The following GBF1 variants were observed in gnomAD, a reference collection of about 807,000 sequenced individuals.
The protein encoded by GBF1 is Golgi-specific brefeldin A-resistance guanine nucleotide exchange factor 1.
A neutral mutation model predicts 210.5 loss-of-function variants in GBF1; 114 were observed. The ratio of observed to expected loss-of-function variants is 0.54; its 90% CI spans 0.47 to 0.63. GBF1 has a LOEUF of 0.63. GBF1 is among the 30% of genes least tolerant of loss of function. The pLI, the probability that GBF1 is intolerant of heterozygous loss-of-function variation, is 0.00. For synonymous variants in GBF1, 850 were observed against 889.2 expected, an observed-to-expected ratio of 0.96 and a Z score of 0.78; for missense variants, 1,851 against 2,357.7, an observed-to-expected ratio of 0.79 and a Z score of 4.45.
rs948003468 is a variant in GBF1 at position 102,363,203 on chromosome 10, C to A, written c.1877-53C>A. Reference sequence around the variant, plus strand: ...TTGGGATTTGATCTATCCTGCAGCTCTGCTTGGCTTCATACCCTATAAGTC... The same window carrying A: ...TTGGGATTTGATCTATCCTGCAGCTATGCTTGGCTTCATACCCTATAAGTC... On this transcript the variant is annotated intron_variant, in intron 15 of 39. Transcript: ENST00000369983. This position sits in a 1 kb window ranked among gnomAD's most constrained non-coding sequence, Gnocchi z 4.2. 6 of 1,525,290 alleles carry A rather than the reference C, an allele frequency of 3.9e-6. No individual in the cohort carries two copies. In the African/African-American group the frequency reaches 6.8e-5, roughly 17 times the overall value. The allele number at this position is 1,525,290 out of a possible 1,614,324, so 94.5% of individuals were successfully genotyped here. A position where few individuals can be genotyped will look rare whatever the true frequency, so the allele number is the denominator to read the frequency against.
intron 13 of GBF1, 34 bp from the exon 14 acceptor site, chr10:102,361,684 C>T (rs1457115941): frequency 6.9e-7 from 1 of 1,448,806 alleles, no homozygotes; most frequent in Non-Finnish European, 9.3e-7. Context: ...GAATCCTTTC[C>T]CCACCCAAAT....
chr10:102,231,247 G>A, the GBF1 span: 6 of 837,144 alleles, frequency 7.2e-6, no homozygotes, highest in South Asian at 5.6e-5. Context: ...GGGAAGGAGC[G>A]CACGGAGTCC....
chr10:102,375,519 T>C lies in GBF1; in HGVS notation c.3821T>C (p.Ile1274Thr), dbSNP rs1259391965. 6.2e-7 allele frequency: 1 copy of C among 1,614,042 alleles called. No homozygotes were observed. The highest frequency in any genetic ancestry group is 8.5e-7 in the Non-Finnish European group (1 of 1,179,938). ...ACACTCTTCACACTGCTGGAGTGCA[T>C]CGGCTCAGGTGTGAAGCCTCCAGCT... ...WATLFTLLEC[I>T]GSGVKPPAAL... The change falls in exon 30 of 40, where the codon ATC (isoleucine) becomes ACC (threonine). Residue 1274 changes from isoleucine (I) to threonine (T), a missense_variant. By Grantham distance (89) the Ile-to-Thr change is moderately conservative. Transcript: ENST00000369983.
intron 20 of GBF1, 29 bp from the exon 21 acceptor site, chr10:102,367,449 G>T: frequency 1.4e-6 from 2 of 1,445,216 alleles, no homozygotes; most frequent in Non-Finnish European, 1.9e-6. Flanking sequence ...GTTGACACAA[G>T]GGGAAAAAAC....
intron 14 of GBF1, among the ~76,000 whole-genome samples, 191 bp downstream of exon 14, chr10:102,362,103 C>CTGGAG (rs1365968154): frequency 7.9e-6 from 1 of 126,144 alleles, no homozygotes; most frequent in Non-Finnish European, 1.6e-5. Context: ...GTTGCCCAGG[C>CTGGAG]TGGAGTGCAG....
intron 3 of GBF1, among the ~76,000 whole-genome samples, chr10:102,298,939 T>A (rs1240663076): frequency 6.6e-6 from 1 of 152,216 alleles, no homozygotes; most frequent in Non-Finnish European, 1.5e-5. Context: ...GAAAAGCTCT[T>A]AATGTTTAAA....
rs1210506401 is a variant in GBF1, at chr10:102,302,602, G to A, written c.164-41449G>A. ...TAATGACTTTTCTGAAGAATTCTTA[G>A]AATTCATCTACTAAGCAAATAACCA... On this transcript the variant is annotated intron_variant, in intron 3 of 39. Coordinates refer to ENST00000369983, the MANE Select transcript of GBF1 (RefSeq NM_001377137.1). Among the ~76,000 whole-genome samples the A allele has an allele frequency of 2.0e-5, 3 of 152,146 alleles. No homozygotes were observed. The East Asian group carries it at 5.8e-4, about 29-fold the overall frequency.
At chr10:102,285,515 G>A (rs1366613438) in intron 3 of GBF1, among the ~76,000 whole-genome samples, 1 of 152,140 alleles carries the variant, frequency 6.6e-6, no homozygotes, top group Non-Finnish European at 1.5e-5. Context: ...CTGTGTGGCT[G>A]GGTGGTTTCT....
intron 21 of GBF1, among the ~76,000 whole-genome samples, 191 bp downstream of exon 21, chr10:102,367,751 A>C (rs2059989617): frequency 6.6e-6 from 1 of 152,312 alleles, no homozygotes; most frequent in Admixed American, 6.5e-5. Flanking sequence ...TTGGGACTCT[A>C]GTACTCTAAG....
the GBF1 span, among the ~76,000 whole-genome samples, chr10:102,238,532 C>T: frequency 6.6e-6 from 1 of 152,196 alleles, no homozygotes; most frequent in African/African-American, 2.4e-5. Flanking sequence ...CATTAAGATC[C>T]CTCCTATGGC....
chr10:102,380,833 C>A (rs1365459399), intron 38 of GBF1, 147 bp downstream of exon 38: 3 of 750,046 alleles, frequency 4.0e-6, no homozygotes, highest in Non-Finnish European at 6.6e-6. Flanking sequence ...CATAGTGAAA[C>A]CCCATGTCTA....
intron 3 of GBF1, among the ~76,000 whole-genome samples, chr10:102,262,381 A>G (rs772988847): frequency 1.3e-5 from 2 of 152,090 alleles, no homozygotes; most frequent in South Asian, 2.1e-4. Flanking sequence ...TACATATCCC[A>G]ATTAGAAAGG....
the GBF1 span, among the ~76,000 whole-genome samples, chr10:102,235,460 A>G: frequency 6.6e-6 from 1 of 152,116 alleles, no homozygotes; most frequent in Non-Finnish European, 1.5e-5. Flanking sequence ...ACAACTTACT[A>G]GCTGTGTGTC....
At chr10:102,348,549 C>T (rs1198595528) in intron 4 of GBF1, among the ~76,000 whole-genome samples, 1 of 152,164 alleles carries the variant, frequency 6.6e-6, no homozygotes, top group Non-Finnish European at 1.5e-5. Context: ...CCCTGGTGGC[C>T]TGGGTAGGGA....
Position 102,358,632 on chromosome 10 carries a change from A to G in GBF1, c.914A>G (p.Asp305Gly), listed in dbSNP as rs1228691119. 6.2e-7 allele frequency: 1 copy of G among 1,613,740 alleles called. No individual in the cohort carries two copies. Among genetic ancestry groups the G allele is most frequent in the Non-Finnish European group, 8.5e-7 (1 of 1,179,798 alleles). Residue 305 changes from aspartate to glycine, a missense_variant, in exon 10 of 40, where the codon GAC (aspartate) becomes GGC (glycine). Asp to Gly is a moderately conservative substitution (Grantham distance 94). This residue lies in a region of GBF1 where 804 missense variants were observed against 958.6 expected (regional missense o/e 0.84). Transcript: ENST00000369983. Reference protein sequence around the residue: ...EFSSQTTSKEDLTDLEQPGSP... With the variant: ...EFSSQTTSKEGLTDLEQPGSP... ...TCCTCCCAAACCACTTCCAAGGAAG[A>G]CCTTACTGATCTAGAGCAACCTGGC...
At position 102,368,271 on chromosome 10, in the gene GBF1, A is replaced by T. The variant is rs766589418; in HGVS notation, c.2696A>T (p.Tyr899Phe). 5 of 1,614,004 alleles carry T rather than the reference A, an allele frequency of 3.1e-6. No individual in the cohort carries two copies. Among genetic ancestry groups the T allele is most frequent in the Non-Finnish European group, 8.5e-7 (1 of 1,179,992 alleles). ...EEQTGLVREN[Y>F]VWNVLLHRGA... Reference sequence around the variant, plus strand: ...CAGACAGGCTTGGTTCGGGAGAACTATGTGTGGAATGTGCTGCTTCATCGA... The same window carrying T: ...CAGACAGGCTTGGTTCGGGAGAACTTTGTGTGGAATGTGCTGCTTCATCGA... The change falls in exon 22 of 40, where the codon TAT becomes TTT. Residue 899 changes from tyrosine to phenylalanine, a missense_variant. Around this residue, in one of 3 missense-constraint regions of GBF1, gnomAD observed 967 missense variants for 1,247.7 expected, o/e 0.78. Coordinates refer to ENST00000369983, the MANE Select transcript of GBF1 (RefSeq NM_001377137.1).
chr10:102,353,496 C>T lies in GBF1; in HGVS notation c.585-104C>T, dbSNP rs576886982. ...TTCTCTTTTGTAGCCTTTTCTAAGA[C>T]ACAGGGCATGCTCTGGCTCAGAGCA... On this transcript the variant is annotated intron_variant, in intron 7 of 39. Transcript: ENST00000369983. The T allele has an allele frequency of 1.8e-4, 140 of 796,816 alleles. 2 individuals carry two copies. In the South Asian group the frequency reaches 1.9e-3, roughly 11 times the overall value. 49.4% of individuals were successfully genotyped at this position (796,816 alleles called of 1,614,324 possible).
Position 102,344,200 on chromosome 10 carries a change from G to GT in GBF1, c.295+20dup. ...ACTCATAGGTAAGAGCTCAGGCTTTGTTGCATGACCACAGCACTTCATTTC... is the reference window on the plus strand; with the variant it reads ...ACTCATAGGTAAGAGCTCAGGCTTTGTTTGCATGACCACAGCACTTCATTTC... On this transcript the variant is annotated intron_variant, in intron 4 of 39. Transcript: ENST00000369983. 1 of 1,613,170 alleles carries GT rather than the reference G, an allele frequency of 6.2e-7. No homozygotes were observed. Among genetic ancestry groups the GT allele is most frequent in the Non-Finnish European group, 8.5e-7 (1 of 1,179,344 alleles).
chr10:102,375,604 G>C lies in GBF1; in HGVS notation c.3886+20G>C, dbSNP rs1462427598. On this transcript the variant is annotated intron_variant, in intron 30 of 39. Coordinates refer to ENST00000369983, the MANE Select transcript of GBF1 (RefSeq NM_001377137.1). ...ATGCCGGTAAGCCCTTTCCCAGGGAGACTCAGGCTGGCAGATAAACAGTTA... is the reference window on the plus strand; with the variant it reads ...ATGCCGGTAAGCCCTTTCCCAGGGACACTCAGGCTGGCAGATAAACAGTTA... 1 of 1,504,236 alleles carries C rather than the reference G, an allele frequency of 6.6e-7. No homozygotes were observed. The highest frequency in any genetic ancestry group is 1.4e-5 in the African/African-American group (1 of 73,040). 93.2% of individuals were successfully genotyped at this position (1,504,236 alleles called of 1,614,324 possible).
Sources: allele counts gnomAD v4.1 joint callset (sites outside exome capture counted in the v4.1 genomes callset), GRCh38; gene constraint gnomAD v4.1.1; regional missense constraint gnomAD v4.1.1; non-coding constraint Gnocchi (gnomAD v3.1); transcripts MANE v1.5; gene names NCBI Gene and HGNC (gene_info 2026-07-23, HGNC 2026-07-21).